GABRG3: variants seen among roughly 807,000 people sequenced by gnomAD.
GABRG3 encodes gamma-aminobutyric acid type A receptor subunit gamma3.
Under a neutral mutation model 48.8 loss-of-function variants are expected in GABRG3, and 25 were observed. The observed-to-expected ratio is 0.51, with a 90% CI of 0.37 to 0.72. The LOEUF is 0.72. Ranked by LOEUF, GABRG3 falls within the 30% of genes least tolerant of loss-of-function variation. GABRG3 has a pLI of 0.00. For missense variants in GABRG3, 394 were observed against 577.9 expected (o/e 0.68, Z 3.26); for synonymous variants, 227 against 217.6 (o/e 1.04, Z -0.38).
At chr15:27,263,895 C>T (rs1162924238) in intron 3 of GABRG3, among the ~76,000 whole-genome samples, 1 of 149,328 alleles carries the variant, frequency 6.7e-6, no homozygotes, top group African/African-American at 2.5e-5. Context: ...CACTGCACTC[C>T]AGCCTGGGCG....
intron 3 of GABRG3, among the ~76,000 whole-genome samples, chr15:27,307,072 A>G (rs1437281305): frequency 1.6e-5 from 2 of 128,968 alleles, no homozygotes; most frequent in Non-Finnish European, 1.6e-5. Context: ...TGTATAATAT[A>G]AACATGTTTA....
chr15:27,493,243 C>T (rs1890398493), intron 6 of GABRG3, among the ~76,000 whole-genome samples: 1 of 151,954 alleles, frequency 6.6e-6, no homozygotes, highest in African/African-American at 2.4e-5. Flanking sequence ...TACTCTTTTC[C>T]ATACAATAGA....
At chr15:27,217,351 A>C (rs1376854690) in intron 3 of GABRG3, among the ~76,000 whole-genome samples, 1 of 152,202 alleles carries the variant, frequency 6.6e-6, no homozygotes, top group East Asian at 1.9e-4. Flanking sequence ...ACTGGAAGTG[A>C]AGCCCCAGCC....
intron 3 of GABRG3, among the ~76,000 whole-genome samples, chr15:27,306,477 T>C (rs1194167104): frequency 1.4e-5 from 2 of 139,880 alleles, no homozygotes; most frequent in Admixed American, 7.4e-5. Context: ...TGTCTATATA[T>C]AAACATATAT....
intron 5 of GABRG3, among the ~76,000 whole-genome samples, chr15:27,338,955 C>A (rs1338202286): frequency 6.6e-6 from 1 of 152,194 alleles, no homozygotes; most frequent in Non-Finnish European, 1.5e-5. Context: ...AGGTCAAAAT[C>A]TCCTTGTCTT....
intron 5 of GABRG3, among the ~76,000 whole-genome samples, chr15:27,356,736 G>A (rs1251748392): frequency 1.3e-5 from 2 of 152,118 alleles, no homozygotes; most frequent in Non-Finnish European, 1.5e-5. Context: ...AATAAATCCT[G>A]GTGTACCCAC....
At chr15:27,205,738 C>G (rs1400533363) in intron 3 of GABRG3, among the ~76,000 whole-genome samples, 2 of 150,356 alleles carry the variant, frequency 1.3e-5, no homozygotes, top group Non-Finnish European at 3.0e-5. Context: ...ATTACTGATT[C>G]AATTTTGGAA....
chr15:27,382,579 G>C (rs1200255872), intron 5 of GABRG3, among the ~76,000 whole-genome samples: 1 of 152,226 alleles, frequency 6.6e-6, no homozygotes, highest in Non-Finnish European at 1.5e-5. Context: ...TTCATGCTTT[G>C]AAAGGTTTAC....
chr15:27,354,344 A>G (rs1393745317), intron 5 of GABRG3, among the ~76,000 whole-genome samples: 2 of 152,212 alleles, frequency 1.3e-5, no homozygotes, highest in Admixed American at 1.3e-4. Context: ...AGTGGAGTGC[A>G]GGGCTTGCCA....
intron 2 of GABRG3, among the ~76,000 whole-genome samples, chr15:27,019,359 C>T (rs530439593): frequency 2.0e-5 from 3 of 152,150 alleles, no homozygotes; most frequent in South Asian, 2.1e-4. Flanking sequence ...CATGAGCCAC[C>T]GCGCCCAGCC....
chr15:27,110,109 CT>C (rs1897520797), intron 3 of GABRG3, among the ~76,000 whole-genome samples: 1 of 152,026 alleles, frequency 6.6e-6, no homozygotes, highest in Non-Finnish European at 1.5e-5. Context: ...CTCTTTTTCT[CT>C]CTTGTTTCCT....
chr15:26,986,580 G>T (rs531518165), intron 2 of GABRG3, among the ~76,000 whole-genome samples: 1 of 152,162 alleles, frequency 6.6e-6, no homozygotes. Flanking sequence ...AGACAGTGCT[G>T]TGTTGGAGCC....
chr15:27,443,014 G>A (rs893608807), intron 5 of GABRG3, among the ~76,000 whole-genome samples: 1 of 152,134 alleles, frequency 6.6e-6, no homozygotes, highest in Non-Finnish European at 1.5e-5. Flanking sequence ...GGGCTGCAAT[G>A]CGGTCAGTCC....
intron 7 of GABRG3, among the ~76,000 whole-genome samples, chr15:27,525,161 A>C (rs1891243910): frequency 6.8e-6 from 1 of 147,114 alleles, no homozygotes; most frequent in African/African-American, 2.5e-5. Flanking sequence ...TAAATGTGTC[A>C]AGGGCATTGT....
intron 5 of GABRG3, among the ~76,000 whole-genome samples, chr15:27,336,742 G>A (rs1893989958): frequency 6.6e-6 from 1 of 152,200 alleles, no homozygotes; most frequent in South Asian, 2.1e-4. Flanking sequence ...ATTCTTAATA[G>A]CCTCAAACCA....
intron 5 of GABRG3, among the ~76,000 whole-genome samples, chr15:27,366,770 G>A (rs1317218252): frequency 6.6e-6 from 1 of 152,122 alleles, no homozygotes; most frequent in Non-Finnish European, 1.5e-5. Flanking sequence ...CTGTATGGCT[G>A]CTAAAATTTG....
At chr15:27,248,177 G>A (rs543548653) in intron 3 of GABRG3, among the ~76,000 whole-genome samples, 2 of 152,292 alleles carry the variant, frequency 1.3e-5, no homozygotes, top group Admixed American at 6.5e-5. Flanking sequence ...CTGGACTGGT[G>A]GCCTGTCTTG....
chr15:27,355,366 C>T (rs1194932480), intron 5 of GABRG3, among the ~76,000 whole-genome samples: 1 of 152,158 alleles, frequency 6.6e-6, no homozygotes, highest in Admixed American at 6.5e-5. Flanking sequence ...GACCAATCAG[C>T]ACAAGCAAAA....
chr15:27,346,833 C>T (rs1303915339), intron 5 of GABRG3, among the ~76,000 whole-genome samples: 6 of 152,116 alleles, frequency 3.9e-5, no homozygotes, highest in Non-Finnish European at 1.5e-5. Context: ...ACTGCTCTTG[C>T]ATGTTATTTA....
Sources: allele counts gnomAD v4.1 joint callset (sites outside exome capture counted in the v4.1 genomes callset), GRCh38; gene constraint gnomAD v4.1.1; transcripts MANE v1.5; gene names NCBI Gene and HGNC (gene_info 2026-07-23, HGNC 2026-07-21).